The following ITGAE variants were observed in gnomAD, a reference collection of about 807,000 sequenced individuals.
ITGAE encodes integrin alpha-E.
In ITGAE, 99 loss-of-function variants were observed where a neutral mutation model predicts 136.5. That is an observed-to-expected ratio of 0.73 (90% CI 0.62 to 0.86). ITGAE has a LOEUF of 0.86. ITGAE is among the 40% of genes least tolerant of loss of function. The pLI, the probability that ITGAE is intolerant of heterozygous loss-of-function variation, is 0.00. For synonymous variants in ITGAE, 613 were observed against 591.8 expected (o/e 1.04, Z -0.52); for missense variants, 1,447 against 1,515.3 (o/e 0.95, Z 0.75).
chr17:3,745,541 C>T (rs2051691030), intron 18 of ITGAE, among the ~76,000 whole-genome samples: 1 of 152,122 alleles, frequency 6.6e-6, no homozygotes, highest in Admixed American at 6.5e-5. Context: ...AGGGTTTCAC[C>T]GTGTTGGCCC....
At chr17:3,772,354 C>T (rs1342885333) in intron 2 of ITGAE, among the ~76,000 whole-genome samples, 3 of 152,134 alleles carry the variant, frequency 2.0e-5, no homozygotes, top group African/African-American at 7.2e-5. Flanking sequence ...CCTCTTATTC[C>T]CCAAATATTG....
intron 1 of ITGAE, among the ~76,000 whole-genome samples, chr17:3,791,733 G>C (rs1352533631): frequency 6.6e-6 from 1 of 152,174 alleles, no homozygotes; most frequent in African/African-American, 2.4e-5. Context: ...AGCAGATAAT[G>C]AATCAGAATG....
At chr17:3,797,484 G>T in intron 1 of ITGAE, among the ~76,000 whole-genome samples, 1 of 128,832 alleles carries the variant, frequency 7.8e-6, no homozygotes, top group Admixed American at 8.3e-5. Flanking sequence ...TTTTTGAGAC[G>T]GTGTCTCTCT....
At chr17:3,742,938 C>G (rs2051621300) in intron 19 of ITGAE, among the ~76,000 whole-genome samples, 1 of 152,206 alleles carries the variant, frequency 6.6e-6, no homozygotes, top group Admixed American at 6.5e-5. Context: ...AGGCATCAGC[C>G]AGGGCGCCCG....
At chr17:3,725,039 C>A (rs764029821) in intron 26 of ITGAE, 4 of 1,614,102 alleles carry the variant, frequency 2.5e-6, no homozygotes, top group Non-Finnish European at 3.4e-6. Context: ...ATTCGTTCCC[C>A]ACCCAGGACC....
intron 18 of ITGAE, among the ~76,000 whole-genome samples, chr17:3,745,375 C>T (rs1424742297): frequency 6.6e-6 from 1 of 152,112 alleles, no homozygotes; most frequent in Non-Finnish European, 1.5e-5. Flanking sequence ...GAGTCTTGCT[C>T]TTGTTGGCCA....
chr17:3,762,260 G>A (rs141280538), intron 3 of ITGAE, among the ~76,000 whole-genome samples: 12 of 152,340 alleles, frequency 7.9e-5, no homozygotes, highest in South Asian at 2.1e-4. Flanking sequence ...GGTGATGGGC[G>A]TCCAGCAACA....
chr17:3,748,126 T>G, intron 16 of ITGAE, 74 bp from the exon 17 acceptor site: 1 of 1,464,096 alleles, frequency 6.8e-7, no homozygotes, highest in South Asian at 1.2e-5. Flanking sequence ...GATTGGTTCA[T>G]GCATTCAATG....
At chr17:3,797,158 T>TATATATATA (rs1491339983) in intron 1 of ITGAE, among the ~76,000 whole-genome samples, 3 of 4,372 alleles carry the variant, frequency 6.9e-4, no homozygotes, top group African/African-American at 1.6e-3. Context: ...TATATATATA[T>TATATATATA]TTTTTTTTTT....
chr17:3,800,910 C>T (rs9889901), intron 1 of ITGAE, among the ~76,000 whole-genome samples: 4,777 of 152,280 alleles, frequency 0.031, 214 homozygotes, highest in African/African-American at 0.11. Context: ...ACTGGCAACA[C>T]GAAGCCTCAG....
At chr17:3,776,333 C>T (rs892959401) in intron 2 of ITGAE, among the ~76,000 whole-genome samples, 1 of 152,076 alleles carries the variant, frequency 6.6e-6, no homozygotes, top group African/African-American at 2.4e-5. Flanking sequence ...GCTGGGATTA[C>T]AGGCGTGAGC....
At chr17:3,719,796 C>T (rs1346815500) in intron 29 of ITGAE, among the ~76,000 whole-genome samples, 2 of 151,206 alleles carry the variant, frequency 1.3e-5, no homozygotes, top group Non-Finnish European at 3.0e-5. Context: ...GGTGTGATCT[C>T]GGCTCACTGC....
intron 30 of ITGAE, 79 bp downstream of exon 30, chr17:3,716,609 G>T: frequency 1.2e-6 from 1 of 836,576 alleles, no homozygotes; most frequent in Non-Finnish European, 2.0e-6. Context: ...CTAAGTCAGA[G>T]GTTGGCTGTC....
intron 1 of ITGAE, among the ~76,000 whole-genome samples, chr17:3,794,000 T>G (rs565830859): frequency 7.9e-6 from 1 of 126,776 alleles, no homozygotes; most frequent in Non-Finnish European, 1.6e-5. Flanking sequence ...TTTTTTGAGA[T>G]GGAGTCTTGC....
At chr17:3,756,023 C>G in intron 10 of ITGAE, 126 bp from the exon 11 acceptor site, 1 of 858,224 alleles carries the variant, frequency 1.2e-6, no homozygotes, top group South Asian at 1.5e-5. Context: ...GAAGAGAACC[C>G]GGCTGAGGGT....
chr17:3,772,398 CTGAATGAA>C (rs34814711), intron 2 of ITGAE, among the ~76,000 whole-genome samples: 10 of 151,106 alleles, frequency 6.6e-5, no homozygotes, highest in East Asian at 5.9e-4. Flanking sequence ...TCCATACTTG[CTGAATGAA>C]TGAATGAATG....
chr17:3,795,888 CGT>C (rs540708944), intron 1 of ITGAE, among the ~76,000 whole-genome samples: 1,966 of 127,430 alleles, frequency 0.015, 55 homozygotes, highest in African/African-American at 0.056. Context: ...CGTGTGCATC[CGT>C]GTGTGTGCAT....
chr17:3,766,627 C>A (rs947517422), intron 2 of ITGAE, among the ~76,000 whole-genome samples: 1 of 152,026 alleles, frequency 6.6e-6, no homozygotes, highest in African/African-American at 2.4e-5. Flanking sequence ...CAGGGTGAAA[C>A]CCCGTCTCTA....
chr17:3,733,078 G>C (rs559007292), intron 21 of ITGAE, among the ~76,000 whole-genome samples: 2 of 152,090 alleles, frequency 1.3e-5, no homozygotes, highest in Non-Finnish European at 2.9e-5. Context: ...CCACCTCCCG[G>C]GTTCAAGCAA....
Sources: gnomAD v4.1 joint callset for allele counts (sites outside exome capture counted in the v4.1 genomes callset) on GRCh38, gnomAD v4.1.1 for gene constraint, MANE v1.5 for transcripts, NCBI Gene and HGNC (gene_info 2026-07-23, HGNC 2026-07-21) for gene names.